The following TMEM106B variants were observed in gnomAD, a reference collection of about 807,000 sequenced individuals.
The protein encoded by TMEM106B is transmembrane protein 106B.
Under a neutral mutation model 31.1 loss-of-function variants are expected in TMEM106B, and 15 were observed. The ratio of observed to expected loss-of-function variants is 0.48; its 90% confidence interval spans 0.32 to 0.74. The LOEUF is 0.74. Among genes scored for constraint, TMEM106B ranks in the 30% least tolerant of loss-of-function variants. TMEM106B has a pLI of 0.03. For synonymous variants in TMEM106B, 126 were observed against 112.5 expected (o/e 1.12, Z -0.76); for missense variants, 283 against 327.3 (o/e 0.86, Z 1.04).
rs137861973 is a variant in TMEM106B, at chr7:12,214,938, G to C, written c.128G>C (p.Gly43Ala). ...GTCCATAATGAAGATGGAAGAAATG[G>C]AGATGTCTCTCAGTTTCCATATGTG... is the stretch of plus-strand genomic sequence containing the variant. ...SEVHNEDGRN[G>A]DVSQFPYVEF... The change falls in exon 2 of 8, where the codon GGA becomes GCA. Residue 43 changes from glycine (G) to alanine (A), a missense_variant. Around this residue, in one of 3 missense-constraint regions of TMEM106B, gnomAD observed 77 missense variants for 89.4 expected, o/e 0.86. Transcript: ENST00000396668. 8.7e-6 allele frequency: 14 copies of C among 1,613,988 alleles called. No homozygotes were observed. The highest frequency in any genetic ancestry group is 5.0e-5 in the Admixed American group (3 of 60,008).
At chr7:12,230,840 C>A (rs1258865922) in intron 6 of TMEM106B, 5 of 386,072 alleles carry the variant, frequency 1.3e-5, no homozygotes, top group Non-Finnish European at 2.3e-5. Context: ...AATTTATAGC[C>A]TGCATTTAAA....
chr7:12,227,021 A>G (rs543166837), intron 4 of TMEM106B, among the ~76,000 whole-genome samples: 37 of 152,210 alleles, frequency 2.4e-4, no homozygotes, highest in African/African-American at 8.7e-4. Context: ...AAACCCTGTG[A>G]TGTTTTCTTT....
rs982173733 is a variant in TMEM106B, at chr7:12,236,181, C to A, written c.*4206C>A. ...TTCACTTGTCAGCTTAAATTTCTGACTAGAACTAACATTTGTGTATTTTTG... is the reference window on the plus strand; with the variant it reads ...TTCACTTGTCAGCTTAAATTTCTGAATAGAACTAACATTTGTGTATTTTTG... On this transcript the variant is annotated 3_prime_UTR_variant, in exon 8 of 8. Coordinates refer to ENST00000396668, the MANE Select transcript of TMEM106B (RefSeq NM_001134232.2). 30 of 151,832 alleles carry A rather than the reference C, an allele frequency of 2.0e-4. No homozygotes were observed. Among genetic ancestry groups the A allele is most frequent in the African/African-American group, 7.2e-4 (30 of 41,392 alleles). The allele number at this position is 151,832 out of a possible 1,614,324, so 9.4% of individuals were successfully genotyped here. A position where few individuals can be genotyped will look rare whatever the true frequency, so the allele number is the denominator to read the frequency against.
intron 2 of TMEM106B, chr7:12,215,653 A>G (rs1299547895): frequency 5.2e-6 from 2 of 383,252 alleles, no homozygotes; most frequent in Admixed American, 2.6e-5. Flanking sequence ...CTTGGGCTCA[A>G]GCGATCATCC....
intron 4 of TMEM106B, among the ~76,000 whole-genome samples, chr7:12,224,881 T>A (rs1179967923): frequency 6.6e-6 from 1 of 152,088 alleles, no homozygotes; most frequent in East Asian, 1.9e-4. Context: ...TTTTTTTTTT[T>A]TTAATTATTA....
intron 6 of TMEM106B, chr7:12,230,828 G>C: frequency 2.7e-6 from 1 of 368,024 alleles, no homozygotes; most frequent in Non-Finnish European, 4.8e-6. Flanking sequence ...AAATATATAA[G>C]TAATTTATAG....
Position 12,237,808 on chromosome 7 carries a change from T to TACACACACACACACACACAC in TMEM106B, c.*5834_*5835insCACACACACACACACACACA, listed in dbSNP as rs1251586270. 3 of 84,930 alleles carry TACACACACACACACACACAC rather than the reference T, an allele frequency of 3.5e-5. No individual in the cohort carries two copies. The highest frequency in any genetic ancestry group is 1.5e-4 in the African/African-American group (3 of 20,138). 5.3% of individuals were successfully genotyped at this position (84,930 alleles called of 1,614,324 possible). A position where few individuals can be genotyped will look rare whatever the true frequency, so the allele number is the denominator to read the frequency against. On this transcript the variant is annotated 3_prime_UTR_variant, in exon 8 of 8. Transcript: ENST00000396668. ...CAACATGGCGAGACCCCATATAAAA[T>TACACACACACACACACACAC]ATATACATACACACACACACACACA...
Position 12,242,609 on chromosome 7 carries a change from A to G in TMEM106B, c.*10634A>G, listed in dbSNP as rs1782253812. ...AACTTTTATGCATCTGATATTATCT[A>G]ATTGTGTCCTTACTGGGTAACTTGT... On this transcript the variant is annotated 3_prime_UTR_variant, in exon 8 of 8. Coordinates refer to ENST00000396668, the MANE Select transcript of TMEM106B (RefSeq NM_001134232.2). 6.6e-6 allele frequency: 1 copy of G among 152,086 alleles called. No homozygotes were observed. The highest frequency in any genetic ancestry group is 1.9e-4 in the East Asian group (1 of 5,192). The allele number at this position is 152,086 out of a possible 1,614,324, so 9.4% of individuals were successfully genotyped here.
chr7:12,217,586 G>C (rs1781712230), intron 2 of TMEM106B, among the ~76,000 whole-genome samples: 1 of 152,066 alleles, frequency 6.6e-6, no homozygotes, highest in Non-Finnish European at 1.5e-5. Flanking sequence ...TTTTAACCAG[G>C]GTTGTAGTTT....
chr7:12,230,136 G>GAGCCCAGTAGGTGGGAGGATCACTT (rs1781990302), intron 5 of TMEM106B, among the ~76,000 whole-genome samples: 1 of 151,508 alleles, frequency 6.6e-6, no homozygotes, highest in African/African-American at 2.4e-5. Flanking sequence ...GAGGATCACT[G>GAGCCCAGTAGGTGGGAGGATCACTT]GAGCCCAGTA....
In TMEM106B at chr7:12,240,387, C is replaced by T. The variant is rs1363456101; in HGVS notation, c.*8412C>T. On this transcript the variant is annotated 3_prime_UTR_variant, in exon 8 of 8. Transcript: ENST00000396668. ...TGAATGTTTACTTTTAAAGGAGTTGCCCAGTCACAAAGTTTGAGCCAAGTT... is the reference window on the plus strand; with the variant it reads ...TGAATGTTTACTTTTAAAGGAGTTGTCCAGTCACAAAGTTTGAGCCAAGTT... The T allele has an allele frequency of 6.6e-6, 1 of 152,136 alleles. No homozygotes were observed. Among genetic ancestry groups the T allele is most frequent in the Non-Finnish European group, 1.5e-5 (1 of 68,044 alleles). The allele number at this position is 152,136 out of a possible 1,614,324, so 9.4% of individuals were successfully genotyped here.
chr7:12,217,686 T>G (rs935196308), intron 2 of TMEM106B, among the ~76,000 whole-genome samples: 3 of 152,112 alleles, frequency 2.0e-5, no homozygotes, highest in African/African-American at 7.2e-5. Flanking sequence ...TAATTATATA[T>G]GGGTGTGATG....
In TMEM106B at chr7:12,212,493, G is replaced by GTTTT. The variant is rs56761518; in HGVS notation, c.-3+1077_-3+1080dup. On this transcript the variant is annotated intron_variant, in intron 1 of 7. Transcript: ENST00000396668. ...GGGCAGTGATTTTTATAAATACATA[G>GTTTT]TTTTTTTTTTTTGAAAGAGTGAAAA... 2.1e-3 allele frequency among the ~76,000 whole-genome samples: 318 copies of GTTTT among 148,832 alleles called. 3 individuals carry two copies. The highest frequency in any genetic ancestry group is 7.5e-3 in the African/African-American group (305 of 40,618).
Position 12,230,497 on chromosome 7 carries a change from T to C in TMEM106B, c.632+59T>C. 2.7e-6 allele frequency: 3 copies of C among 1,125,040 alleles called. No individual in the cohort carries two copies. In the South Asian group the frequency reaches 4.1e-5, roughly 16 times the overall value. 69.7% of individuals were successfully genotyped at this position (1,125,040 alleles called of 1,614,324 possible). A position where few individuals can be genotyped will look rare whatever the true frequency, so the allele number is the denominator to read the frequency against. ...AAATAATGAAGTGTATAAAATAAAG[T>C]ATAAAGAGTATACATATTTTTTAAT... is the stretch of plus-strand genomic sequence containing the variant. On this transcript the variant is annotated intron_variant, in intron 6 of 7. Coordinates refer to ENST00000396668, the MANE Select transcript of TMEM106B (RefSeq NM_001134232.2).
Position 12,240,058 on chromosome 7 carries a change from G to GC in TMEM106B, c.*8083_*8084insC, listed in dbSNP as rs1554311991. On this transcript the variant is annotated 3_prime_UTR_variant, in exon 8 of 8. Transcript: ENST00000396668. ...TATCTGCACTTCCTTCTTTTTTACT[G>GC]AAAAAGCCCAAGTTCTTACTCTGGT... 1 of 152,034 alleles carries GC rather than the reference G, an allele frequency of 6.6e-6. No individual in the cohort carries two copies. The highest frequency in any genetic ancestry group is 1.5e-5 in the Non-Finnish European group (1 of 68,026). 9.4% of individuals were successfully genotyped at this position (152,034 alleles called of 1,614,324 possible).
rs190628035 is a variant in TMEM106B, at chr7:12,235,891, C to G, written c.*3916C>G. 1.3e-3 allele frequency: 199 copies of G among 151,888 alleles called. 2 individuals are homozygous for G. Among genetic ancestry groups the G allele is most frequent in the East Asian group, 1.7e-3 (9 of 5,174 alleles). 9.4% of individuals were successfully genotyped at this position (151,888 alleles called of 1,614,324 possible). A position where few individuals can be genotyped will look rare whatever the true frequency, so the allele number is the denominator to read the frequency against. ...TGTCATTAGGTCACGATTTTTAGCT[C>G]ACATCTGGAAGCAGCAACTACTTGG... On this transcript the variant is annotated 3_prime_UTR_variant, in exon 8 of 8. Transcript: ENST00000396668.
intron 4 of TMEM106B, among the ~76,000 whole-genome samples, chr7:12,228,418 T>C (rs1165810191): frequency 6.6e-6 from 1 of 150,514 alleles, no homozygotes; most frequent in East Asian, 2.0e-4. Context: ...GTTTTCACAT[T>C]TGTTAATACC....
intron 3 of TMEM106B, among the ~76,000 whole-genome samples, chr7:12,220,926 G>A (rs12666279): frequency 0.15 from 22,297 of 152,098 alleles, 1,946 homozygotes; most frequent in South Asian, 0.22. Flanking sequence ...TTACCACAGT[G>A]TGATATTGAC....
rs1782084115 is a variant in TMEM106B, at chr7:12,234,169, A to G, written c.*2194A>G. 1 of 151,822 alleles carries G rather than the reference A, an allele frequency of 6.6e-6. No individual in the cohort carries two copies. The allele number at this position is 151,822 out of a possible 1,614,324, so 9.4% of individuals were successfully genotyped here. On this transcript the variant is annotated 3_prime_UTR_variant, in exon 8 of 8. Transcript: ENST00000396668. ...GTGTCTTTTAACCTTGGAAAATTACATCGTGTAAATTAAACAGATTTTTCT... is the reference window on the plus strand; with the variant it reads ...GTGTCTTTTAACCTTGGAAAATTACGTCGTGTAAATTAAACAGATTTTTCT...
Sources: allele counts gnomAD v4.1 joint callset (sites outside exome capture counted in the v4.1 genomes callset), GRCh38; gene constraint gnomAD v4.1.1; regional missense constraint gnomAD v4.1.1; transcripts MANE v1.5; gene names NCBI Gene and HGNC (gene_info 2026-07-23, HGNC 2026-07-21).